Variants in NFASC observed in about 807,000 individuals in gnomAD.
The protein encoded by NFASC is neurofascin homolog.
In NFASC, 43 loss-of-function variants were observed where a neutral mutation model predicts 147.5. That is an observed-to-expected ratio of 0.29 (90% CI 0.23 to 0.38). The LOEUF (loss-of-function observed/expected upper bound fraction) is 0.38. Ranked by LOEUF, NFASC falls within the 10% of genes least tolerant of loss-of-function variation. The probability of loss-of-function intolerance (pLI) is 1.00; values close to 1 mark genes in which losing one functional copy is unlikely to be tolerated. For missense variants in NFASC, 1,320 were observed against 1,689.0 expected, an observed-to-expected ratio of 0.78 and a Z score of 3.83; for synonymous variants, 622 against 665.5, an observed-to-expected ratio of 0.93 and a Z score of 1.01.
At chr1:204,880,128 C>T (rs2079865681) in intron 1 of NFASC, among the ~76,000 whole-genome samples, 1 of 152,110 alleles carries the variant, frequency 6.6e-6, no homozygotes, top group Admixed American at 6.6e-5. Context: ...ACCTGAGAAC[C>T]TCTTTTCTTC....
rs965089311 is a variant in NFASC at position 205,016,333 on chromosome 1, G to A, written c.3517G>A (p.Gly1173Ser). ...TGATGAGGACAACAAGCCCCTGCAG[G>A]GCAGTCAGACATCTCTGGACGGCAC... ...YSDEDNKPLQ[G>S]SQTSLDGTIK... The change falls in exon 30 of 30, where the codon GGC (glycine) becomes AGC (serine). Residue 1173 changes from glycine to serine, a missense_variant. Transcript: ENST00000339876. The surrounding 1 kb of genome is among the most constrained non-coding windows in gnomAD (Gnocchi z 5.1). 5.0e-6 allele frequency: 8 copies of A among 1,613,746 alleles called. No homozygotes were observed. The African/African-American group carries it at 9.3e-5, about 19-fold the overall frequency.
At chr1:204,876,472 T>A (rs1363846062) in intron 1 of NFASC, among the ~76,000 whole-genome samples, 3 of 152,198 alleles carry the variant, frequency 2.0e-5, no homozygotes, top group African/African-American at 4.8e-5. Context: ...ATTTACTATT[T>A]TAACTATTTT....
intron 11 of NFASC, among the ~76,000 whole-genome samples, chr1:204,972,696 G>C (rs2095295562): frequency 6.6e-6 from 1 of 152,212 alleles, no homozygotes; most frequent in Non-Finnish European, 1.5e-5. Context: ...TGAATGTTTG[G>C]AGCATGCTCT....
intron 2 of NFASC, among the ~76,000 whole-genome samples, chr1:204,921,777 G>A (rs1290902907): frequency 6.6e-6 from 1 of 152,142 alleles, no homozygotes; most frequent in Non-Finnish European, 1.5e-5. Context: ...CCTGCAGAGT[G>A]CCTGGCTCAT....
intron 1 of NFASC, among the ~76,000 whole-genome samples, chr1:204,849,223 T>C (rs2075445636): frequency 6.6e-6 from 1 of 152,264 alleles, no homozygotes; most frequent in African/African-American, 2.4e-5. Flanking sequence ...AACTAGCTTC[T>C]GCTGGGGCCT....
chr1:205,009,152 C>A (rs1472927135), intron 27 of NFASC: 2 of 281,880 alleles, frequency 7.1e-6, no homozygotes, highest in Non-Finnish European at 1.4e-5. Context: ...TTGCCGGCTC[C>A]CATTTCTCCA....
At chr1:204,956,326 G>A (rs1352732108) in intron 7 of NFASC, among the ~76,000 whole-genome samples, 1 of 152,118 alleles carries the variant, frequency 6.6e-6, no homozygotes, top group Non-Finnish European at 1.5e-5. Context: ...CTGGCACCCA[G>A]TCCCATTCCA....
intron 1 of NFASC, among the ~76,000 whole-genome samples, chr1:204,874,725 C>T (rs2078412453): frequency 6.6e-6 from 1 of 152,228 alleles, no homozygotes. Flanking sequence ...TTCAAGCACA[C>T]TTTGCATGCC....
chr1:205,007,546 A>G (rs1192949773), intron 27 of NFASC, among the ~76,000 whole-genome samples: 3 of 152,130 alleles, frequency 2.0e-5, no homozygotes. Flanking sequence ...TGATAGATCT[A>G]TATATATTAA....
intron 1 of NFASC, among the ~76,000 whole-genome samples, chr1:204,847,453 C>G (rs1389270372): frequency 1.3e-5 from 2 of 152,192 alleles, no homozygotes; most frequent in Non-Finnish European, 2.9e-5. Context: ...CCCCATGCCC[C>G]TCCACCTGCC....
intron 1 of NFASC, among the ~76,000 whole-genome samples, chr1:204,896,376 A>G (rs2083392596): frequency 6.6e-6 from 1 of 152,210 alleles, no homozygotes; most frequent in African/African-American, 2.4e-5. Flanking sequence ...AATAATTTTT[A>G]AAACAATAAC....
At chr1:204,930,523 TGTACTGTCTCAGGAGAGACAAGA>T (rs1468665382) in intron 2 of NFASC, among the ~76,000 whole-genome samples, 2 of 152,184 alleles carry the variant, frequency 1.3e-5, no homozygotes, top group East Asian at 3.9e-4. Flanking sequence ...GTGTGTTTAT[TGTACTGTCTCAGGAGAGACAAGA>T]CATGGACTCT....
At chr1:204,920,427 CT>C (rs11381518) in intron 1 of NFASC, among the ~76,000 whole-genome samples, 3,759 of 119,522 alleles carry the variant, frequency 0.031, 104 homozygotes, top group African/African-American at 0.096. Flanking sequence ...AGGATCTGTC[CT>C]TTTTTTTTTT....
At chr1:204,864,204 T>C (rs980268946) in intron 1 of NFASC, among the ~76,000 whole-genome samples, 1 of 152,356 alleles carries the variant, frequency 6.6e-6, no homozygotes, top group East Asian at 1.9e-4. Context: ...CTTCATTCTT[T>C]TTTATTGCTG....
intron 22 of NFASC, 57 bp from the exon 23 acceptor site, chr1:204,988,576 T>C (rs927168268): frequency 6.7e-7 from 1 of 1,496,170 alleles, no homozygotes; most frequent in African/African-American, 1.4e-5. Context: ...TTGCAGATTA[T>C]ATAACCCATC....
At chr1:204,974,629 G>T (rs2095355533) in intron 13 of NFASC, 28 bp from the exon 14 acceptor site, 1 of 1,613,816 alleles carries the variant, frequency 6.2e-7, no homozygotes, top group African/African-American at 1.3e-5. Flanking sequence ...GTCTCAGGAT[G>T]CTGTGTGTTC....
At chr1:204,829,873 A>T (rs1308533692) in intron 1 of NFASC, among the ~76,000 whole-genome samples, 1 of 152,168 alleles carries the variant, frequency 6.6e-6, no homozygotes, top group East Asian at 1.9e-4. Flanking sequence ...TGGAGCTGTC[A>T]TGAGTGTGGC....
intron 1 of NFASC, among the ~76,000 whole-genome samples, chr1:204,840,978 T>C (rs1196223495): frequency 6.6e-6 from 1 of 152,262 alleles, no homozygotes; most frequent in Non-Finnish European, 1.5e-5. Flanking sequence ...GTCCTGTAGA[T>C]GCTAGTGTTT....
chr1:204,882,009 T>C (rs909824834), intron 1 of NFASC, among the ~76,000 whole-genome samples: 7 of 152,080 alleles, frequency 4.6e-5, no homozygotes, highest in Non-Finnish European at 7.4e-5. Context: ...TTCCTCTTAG[T>C]AATTTTCCAT....
Sources: gnomAD v4.1 joint callset for allele counts (sites outside exome capture counted in the v4.1 genomes callset) on GRCh38, gnomAD v4.1.1 for gene constraint, Gnocchi (gnomAD v3.1) non-coding constraint, MANE v1.5 for transcripts, NCBI Gene and HGNC (gene_info 2026-07-23, HGNC 2026-07-21) for gene names.